Variants in CC2D2A observed in about 807,000 individuals in gnomAD.
CC2D2A encodes coiled-coil and C2 domain containing 2A, also known as coiled-coil and C2 domain-containing protein 2A.
In CC2D2A, 155 loss-of-function variants were observed where a neutral mutation model predicts 212.9. That is an observed-to-expected ratio of 0.73 (90% CI 0.64 to 0.83). The LOEUF (loss-of-function observed/expected upper bound fraction) is 0.83, where lower values mean the gene tolerates loss of function less well. CC2D2A is among the 40% of genes least tolerant of loss of function. The pLI, the probability that CC2D2A is intolerant of heterozygous loss-of-function variation, is 0.00. For synonymous variants in CC2D2A, 667 were observed against 686.5 expected, an observed-to-expected ratio of 0.97 and a Z score of 0.44; for missense variants, 1,856 against 1,956.2, an observed-to-expected ratio of 0.95 and a Z score of 0.97.
At chr4:15,596,030 A>C (rs1577403541) in intron 33 of CC2D2A, 55 bp from the exon 34 acceptor site, 1 of 1,364,778 alleles carries the variant, frequency 7.3e-7, no homozygotes, top group East Asian at 2.6e-5. Flanking sequence ...ATGCACACAT[A>C]CATGTGCATG....
At position 15,555,127 on chromosome 4, in the gene CC2D2A, A is replaced by C. The variant is rs376403848; in HGVS notation, c.2542A>C (p.Met848Leu). ...SSIGTSGLTD[M>L]KKLAKWAAES... ...TATTGGCACATCAGGACTGACAGAC[A>C]TGAAAAAATTGGCCAAGTGGGCAGC... The change falls in exon 20 of 37, where the codon ATG becomes CTG. Residue 848 changes from methionine (M) to leucine (L), a missense_variant. Physicochemically the swap from Met to Leu is conservative, Grantham distance 15. Coordinates refer to ENST00000424120, the MANE Select transcript of CC2D2A (RefSeq NM_001378615.1). 1.4e-5 allele frequency: 23 copies of C among 1,613,760 alleles called. No homozygotes were observed. In the African/African-American group the frequency reaches 2.8e-4, roughly 20 times the overall value.
At chr4:15,598,296 G>T (rs1457503143) in intron 35 of CC2D2A, among the ~76,000 whole-genome samples, 2 of 152,174 alleles carry the variant, frequency 1.3e-5, no homozygotes, top group Non-Finnish European at 2.9e-5. Flanking sequence ...CACCAAAAAA[G>T]AAATGATCCC....
chr4:15,527,666 A>G lies in CC2D2A; in HGVS notation c.1359+10A>G, dbSNP rs373012628. 1.7e-4 allele frequency: 265 copies of G among 1,579,790 alleles called. No homozygotes were observed. The highest frequency in any genetic ancestry group is 2.1e-4 in the Non-Finnish European group (243 of 1,159,326). On this transcript the variant is annotated intron_variant, in intron 12 of 36. Transcript: ENST00000424120. ...ATTTCTTACTGATAAGGTACATGTG[A>G]TTTCTTCCATAATGATTGTCAATGG...
At chr4:15,529,273 T>A (rs777811735) in intron 13 of CC2D2A, among the ~76,000 whole-genome samples, 5 of 151,884 alleles carry the variant, frequency 3.3e-5, no homozygotes, top group African/African-American at 7.3e-5. Context: ...TCCCAACTAC[T>A]CGGAAGGCTG....
intron 2 of CC2D2A, among the ~76,000 whole-genome samples, chr4:15,477,486 T>C (rs760159840): frequency 3.9e-5 from 6 of 152,298 alleles, no homozygotes; most frequent in East Asian, 1.9e-4. Flanking sequence ...TACTGGATAG[T>C]TAGAATAGAG....
At chr4:15,574,401 T>G in intron 29 of CC2D2A, 75 bp downstream of exon 29, 2 of 1,207,404 alleles carry the variant, frequency 1.7e-6, no homozygotes, top group African/African-American at 3.1e-5. Context: ...TATACTTTTA[T>G]GAACTTTTTC....
chr4:15,576,994 G>A (rs1268955288), intron 29 of CC2D2A, among the ~76,000 whole-genome samples: 3 of 152,040 alleles, frequency 2.0e-5, no homozygotes, highest in Admixed American at 6.6e-5. Context: ...TTTCTTTTTT[G>A]TTGTTGTTTT....
chr4:15,583,233 C>CT (rs1553843255), intron 30 of CC2D2A, among the ~76,000 whole-genome samples: 1 of 152,178 alleles, frequency 6.6e-6, no homozygotes, highest in Non-Finnish European at 1.5e-5. Context: ...TAACATCATA[C>CT]TGAACAGTGA....
At chr4:15,594,431 T>C (rs1372357624) in intron 33 of CC2D2A, among the ~76,000 whole-genome samples, 1 of 152,148 alleles carries the variant, frequency 6.6e-6, no homozygotes. Flanking sequence ...GCTGGGCAAC[T>C]CTGCTGCAAG....
At chr4:15,585,106 T>C (rs1720806927) in intron 30 of CC2D2A, among the ~76,000 whole-genome samples, 1 of 152,082 alleles carries the variant, frequency 6.6e-6, no homozygotes, top group African/African-American at 2.4e-5. Context: ...CAAATTAAAA[T>C]CAGAACTACA....
At chr4:15,521,550 G>A (rs970320791) in intron 11 of CC2D2A, among the ~76,000 whole-genome samples, 3 of 152,138 alleles carry the variant, frequency 2.0e-5, no homozygotes, top group Non-Finnish European at 4.4e-5. Flanking sequence ...CCACCTAGGA[G>A]TTTCTGGCAT....
intron 4 of CC2D2A, chr4:15,481,977 C>A (rs1202418349): frequency 7.1e-6 from 7 of 985,284 alleles, no homozygotes; most frequent in Non-Finnish European, 8.4e-6. Flanking sequence ...TTCCCCAGTA[C>A]AATGAACATT....
intron 20 of CC2D2A, among the ~76,000 whole-genome samples, chr4:15,556,222 G>A (rs1719273112): frequency 6.6e-6 from 1 of 152,186 alleles, no homozygotes; most frequent in Non-Finnish European, 1.5e-5. Context: ...AATCCAGAGG[G>A]TAGCCCTAGC....
At chr4:15,508,980 G>A (rs546095435) in intron 6 of CC2D2A, among the ~76,000 whole-genome samples, 2 of 152,174 alleles carry the variant, frequency 1.3e-5, no homozygotes, top group Admixed American at 1.3e-4. Flanking sequence ...GGTTTTAAAA[G>A]GGGTGGATTA....
At chr4:15,537,108 G>C (rs927576212) in intron 15 of CC2D2A, 32 bp downstream of exon 15, 1 of 1,606,726 alleles carries the variant, frequency 6.2e-7, no homozygotes, top group African/African-American at 1.3e-5. Flanking sequence ...CTGGAATAGG[G>C]CTGGCCAGGA....
intron 4 of CC2D2A, chr4:15,482,217 A>G: frequency 1.0e-6 from 1 of 985,318 alleles, no homozygotes. Flanking sequence ...AAAAGCAATG[A>G]TACAATGAGA....
chr4:15,570,469 A>T lies in CC2D2A; in HGVS notation c.3567A>T (p.Pro1189=), dbSNP rs1553841140. The change falls in exon 28 of 37, where the codon CCA becomes CCT. Residue 1189 remains proline (P), a synonymous_variant. Transcript: ENST00000424120. ...ERHWLGCVKM[P]FSTIYFQARI... is the part of the protein sequence containing the mutation. The stretch of plus-strand genomic sequence containing the variant: ...ACTGGCTGGGATGTGTGAAAATGCC[A>T]TTTAGCACAATATATTTCCAAGCAA... 1 of 1,606,070 alleles carries T rather than the reference A, an allele frequency of 6.2e-7. No individual in the cohort carries two copies. The highest frequency in any genetic ancestry group is 1.3e-5 in the African/African-American group (1 of 74,972).
intron 11 of CC2D2A, chr4:15,519,549 C>A: frequency 2.2e-6 from 1 of 445,670 alleles, no homozygotes. Context: ...AGTCCATTTT[C>A]ATGCTGCTGA....
intron 4 of CC2D2A, chr4:15,492,864 G>C (rs1251698387): frequency 8.6e-6 from 5 of 581,446 alleles, no homozygotes; most frequent in African/African-American, 1.9e-5. Context: ...AAGAGTGGGT[G>C]TCACTGTTAA....
Sources: allele counts gnomAD v4.1 joint callset (sites outside exome capture counted in the v4.1 genomes callset), GRCh38; gene constraint gnomAD v4.1.1; transcripts MANE v1.5; gene names NCBI Gene and HGNC (gene_info 2026-07-23, HGNC 2026-07-21).